DACH2: variants seen among roughly 807,000 people sequenced by gnomAD.
The protein encoded by DACH2 is dachshund homolog 2.
Under a neutral mutation model 35.8 loss-of-function variants are expected in DACH2, and 17 were observed. The ratio of observed to expected loss-of-function variants is 0.48; its 90% CI spans 0.33 to 0.71. The LOEUF (loss-of-function observed/expected upper bound fraction) is 0.71. Among genes scored for constraint, DACH2 ranks in the 30% least tolerant of loss-of-function variants. The pLI is 0.02. For synonymous variants in DACH2, 195 were observed against 177.3 expected (o/e 1.10, Z -0.79); for missense variants, 469 against 472.7 (o/e 0.99, Z 0.07).
chrX:86,480,125 G>A (rs1238275750), intron 2 of DACH2, among the ~76,000 whole-genome samples: 1 of 111,879 alleles, frequency 8.9e-6, no homozygotes, highest in African/African-American at 3.3e-5. Context: ...TTCAGGGAAG[G>A]TTTTTCATGT....
chrX:86,622,764 G>T (rs2040083224), intron 3 of DACH2, among the ~76,000 whole-genome samples: 1 of 111,602 alleles, frequency 9.0e-6, no homozygotes, highest in Non-Finnish European at 1.9e-5. Flanking sequence ...TGTTTAAAAT[G>T]TCTTAATATC....
At chrX:86,518,484 G>A (rs928069361) in intron 3 of DACH2, among the ~76,000 whole-genome samples, 47 of 111,841 alleles carry the variant, frequency 4.2e-4, no homozygotes, top group African/African-American at 1.5e-3. Context: ...AATTGCTTTG[G>A]GCAGTATGGC....
At chrX:86,258,275 G>A (rs2033562354) in intron 1 of DACH2, among the ~76,000 whole-genome samples, 1 of 111,710 alleles carries the variant, frequency 9.0e-6, no homozygotes, top group African/African-American at 3.3e-5. Context: ...AAAGTATTCA[G>A]GCACATTCTA....
chrX:86,221,217 AT>A (rs1462025076), intron 1 of DACH2, among the ~76,000 whole-genome samples: 1 of 111,399 alleles, frequency 9.0e-6, no homozygotes, highest in Non-Finnish European at 1.9e-5. Flanking sequence ...TATTTAATCC[AT>A]TTTGATTTGA....
chrX:86,253,223 G>A (rs1325958493), intron 1 of DACH2, among the ~76,000 whole-genome samples: 1 of 110,977 alleles, frequency 9.0e-6, no homozygotes, highest in Non-Finnish European at 1.9e-5. Flanking sequence ...TAACCAAGGA[G>A]GGGAAAGCCC....
At chrX:86,444,132 C>A (rs866464966) in intron 2 of DACH2, among the ~76,000 whole-genome samples, 22 of 111,355 alleles carry the variant, frequency 2.0e-4, no homozygotes, top group Non-Finnish European at 4.0e-4. Flanking sequence ...GCCCTGTCAC[C>A]CAGGCTGGAA....
chrX:86,798,745 G>A (rs10126122), intron 7 of DACH2: 5,475 of 124,108 alleles, frequency 0.044, 358 homozygotes, highest in African/African-American at 0.17. Flanking sequence ...GGGCATAACC[G>A]TTCTTATGGT....
chrX:86,177,021 G>A (rs1479952118), intron 1 of DACH2, among the ~76,000 whole-genome samples: 1 of 111,339 alleles, frequency 9.0e-6, no homozygotes, highest in Non-Finnish European at 1.9e-5. Flanking sequence ...GTGTGTAATG[G>A]GGTACATGAG....
intron 2 of DACH2, among the ~76,000 whole-genome samples, chrX:86,451,538 T>G (rs1035019063): frequency 9.0e-5 from 10 of 111,633 alleles, no homozygotes; most frequent in Non-Finnish European, 1.5e-4. Flanking sequence ...CTGGGCTTTT[T>G]GGGCTCTTTT....
chrX:86,576,015 A>G (rs1355363763), intron 3 of DACH2, among the ~76,000 whole-genome samples: 1 of 112,573 alleles, frequency 8.9e-6, no homozygotes, highest in Non-Finnish European at 1.9e-5. Context: ...CTAATTTTCA[A>G]AAGAAACACA....
chrX:86,289,974 C>T (rs1303096405), intron 1 of DACH2, among the ~76,000 whole-genome samples: 3 of 102,870 alleles, frequency 2.9e-5, no homozygotes, highest in Non-Finnish European at 5.9e-5. Context: ...ATTTCTAGTT[C>T]TAGATCCCTG....
At chrX:86,698,845 A>C (rs2041105977) in intron 5 of DACH2, among the ~76,000 whole-genome samples, 1 of 110,634 alleles carries the variant, frequency 9.0e-6, no homozygotes. Context: ...CAATTTATAA[A>C]AATTCTTAAT....
intron 7 of DACH2, among the ~76,000 whole-genome samples, chrX:86,795,407 G>GT (rs2042226344): frequency 9.2e-6 from 1 of 108,888 alleles, no homozygotes; most frequent in South Asian, 4.0e-4. Context: ...CCGATTTTTT[G>GT]TATTTTTAGT....
At position 86,190,333 on chromosome X, in the gene DACH2, A is replaced by T. The variant is rs766570198; in HGVS notation, c.488+41225A>T. ...TTTTCGTGGTTACAGAAACTTCTAT[A>T]CTAATTCCTCCTGCTTTTCATCTGT... On this transcript the variant is annotated intron_variant, in intron 1 of 11. Coordinates refer to ENST00000373125, the MANE Select transcript of DACH2 (RefSeq NM_053281.3). Among the ~76,000 whole-genome samples the T allele has an allele frequency of 3.6e-5, 4 of 111,361 alleles. No homozygotes were observed. The South Asian group carries it at 1.5e-3, about 42-fold the overall frequency.
intron 2 of DACH2, among the ~76,000 whole-genome samples, chrX:86,422,207 G>T (rs1374212108): frequency 1.8e-5 from 2 of 110,842 alleles, no homozygotes; most frequent in East Asian, 2.8e-4. Context: ...ATGATGAAAT[G>T]AGTTGAATAA....
intron 4 of DACH2, among the ~76,000 whole-genome samples, chrX:86,656,857 GTATATATATATA>G (rs752576150): frequency 4.5e-5 from 3 of 66,745 alleles, no homozygotes; most frequent in East Asian, 5.0e-4. Context: ...GTGTGTGTGT[GTATATATATATA>G]TATATATATA....
intron 2 of DACH2, among the ~76,000 whole-genome samples, chrX:86,437,965 A>T (rs2037095342): frequency 9.2e-6 from 1 of 108,917 alleles, no homozygotes; most frequent in African/African-American, 3.3e-5. Context: ...TGTTGTACGG[A>T]TTATTTTGTC....
chrX:86,534,652 G>T (rs1011612969), intron 3 of DACH2, among the ~76,000 whole-genome samples: 1 of 111,437 alleles, frequency 9.0e-6, no homozygotes, highest in African/African-American at 3.3e-5. Context: ...GAATGACCTA[G>T]TATTCTCTTT....
rs1222164101 is a variant in DACH2, at chrX:86,228,741, T to G, written c.488+79633T>G. Among the ~76,000 whole-genome samples, 3 of 112,165 alleles carry G rather than the reference T, an allele frequency of 2.7e-5. No homozygotes were observed. In the Admixed American group the frequency reaches 2.8e-4, roughly 11 times the overall value. On this transcript the variant is annotated intron_variant, in intron 1 of 11. Coordinates refer to ENST00000373125, the MANE Select transcript of DACH2 (RefSeq NM_053281.3). ...GATGTTGAGCATTTTTTCATGTATT[T>G]TTTGGCCATTTGTGTATCTTCTTTT...
Sources: allele counts gnomAD v4.1 joint callset (sites outside exome capture counted in the v4.1 genomes callset), GRCh38; gene constraint gnomAD v4.1.1; transcripts MANE v1.5; gene names NCBI Gene and HGNC (gene_info 2026-07-23, HGNC 2026-07-21).